The following MROH1 variants were observed in gnomAD, a reference collection of about 807,000 sequenced individuals.
MROH1 encodes maestro heat-like repeat-containing protein family member 1.
Under a neutral mutation model 116.5 loss-of-function variants are expected in MROH1, and 117 were observed. The observed-to-expected ratio is 1.00, with a 90% CI of 0.86 to 1.17. MROH1 has a LOEUF of 1.17. Ranked by LOEUF, MROH1 falls within the 50% of genes most tolerant of loss-of-function variation. The pLI is 0.00. For synonymous variants in MROH1, 921 were observed against 583.9 expected, an observed-to-expected ratio of 1.58 and a Z score of -8.32; for missense variants, 1,873 against 1,338.5, an observed-to-expected ratio of 1.40 and a Z score of -6.23.
At chr8:144,245,296 CTG>C (rs1841698167) in intron 29 of MROH1, 36 bp downstream of exon 29, 1 of 771,634 alleles carries the variant, frequency 1.3e-6, no homozygotes, top group African/African-American at 1.7e-5. Flanking sequence ...GTGCTGCTGC[CTG>C]TGTTACTCAT....
chr8:144,242,454 T>C lies in MROH1; in HGVS notation c.2264T>C (p.Leu755Pro). ...GHVAARAPRE[L>P]VLAKVESDIL... Reference sequence around the variant, plus strand: ...GTGGCGGCCCGGGCCCCCCGGGAGCTGGTGCTGGCCAAGGTAGAGTCAGAC... The same window carrying C: ...GTGGCGGCCCGGGCCCCCCGGGAGCCGGTGCTGGCCAAGGTAGAGTCAGAC... Residue 755 changes from leucine to proline, a missense_variant, in exon 23 of 44, where the codon CTG (leucine) becomes CCG (proline). Transcript: ENST00000326134. The C allele has an allele frequency of 1.3e-6, 1 of 780,704 alleles. No individual in the cohort carries two copies. The highest frequency in any genetic ancestry group is 2.4e-6 in the Non-Finnish European group (1 of 417,832). 48.4% of individuals were successfully genotyped at this position (780,704 alleles called of 1,614,324 possible).
At chr8:144,212,069 G>GTTGTTTTT (rs1554813776) in intron 12 of MROH1, among the ~76,000 whole-genome samples, 5 of 47,780 alleles carry the variant, frequency 1.0e-4, no homozygotes, top group Admixed American at 2.5e-4. Context: ...GAGAAGCTGT[G>GTTGTTTTT]TTGTTTTTTT....
At position 144,220,594 on chromosome 8, in the gene MROH1, T is replaced by C; in HGVS notation, c.1142-6T>C. The C allele has an allele frequency of 6.4e-7, 1 of 1,567,368 alleles. No homozygotes were observed. Among genetic ancestry groups the C allele is most frequent in the Non-Finnish European group, 8.7e-7 (1 of 1,155,914 alleles). On this transcript the variant is annotated splice_region_variant and splice_polypyrimidine_tract_variant and intron_variant, in intron 12 of 43. Transcript: ENST00000326134. The stretch of plus-strand genomic sequence containing the variant: ...TAGGCTGAGCTGTCCTGTTTGTTTC[T>C]TGCAGCTGCTCAGATGGAAGATAAA...
intron 12 of MROH1, chr8:144,213,139 A>G (rs1834533225): frequency 1.3e-6 from 1 of 763,160 alleles, no homozygotes; most frequent in Non-Finnish European, 2.5e-6. Flanking sequence ...CGGCTGTTAC[A>G]TCCCGTGCTC....
intron 14 of MROH1, among the ~76,000 whole-genome samples, chr8:144,233,130 A>T (rs1839265114): frequency 6.6e-6 from 1 of 152,046 alleles, no homozygotes; most frequent in Non-Finnish European, 1.5e-5. Context: ...GCACCTGGCC[A>T]TGATTGCTTT....
Position 144,259,236 on chromosome 8 carries a change from C to T in MROH1, c.3930-4C>T. The T allele has an allele frequency of 1.4e-6, 1 of 713,346 alleles. No homozygotes were observed. The highest frequency in any genetic ancestry group is 2.7e-5 in the East Asian group (1 of 37,280). The allele number at this position is 713,346 out of a possible 1,614,324, so 44.2% of individuals were successfully genotyped here. ...CCTGCACCCTCAGCGGCCCCCTTTCCCAGGGCCATGGCTGAGCACGCAGGG... is the reference window on the plus strand; with the variant it reads ...CCTGCACCCTCAGCGGCCCCCTTTCTCAGGGCCATGGCTGAGCACGCAGGG... On this transcript the variant is annotated splice_polypyrimidine_tract_variant and splice_region_variant and intron_variant, in intron 36 of 43. Coordinates refer to ENST00000326134, the MANE Select transcript of MROH1 (RefSeq NM_032450.3).
chr8:144,199,245 C>CAA (rs747222529), intron 11 of MROH1, 45 bp downstream of exon 11: 1 of 1,573,898 alleles, frequency 6.4e-7, no homozygotes, highest in South Asian at 1.1e-5. Flanking sequence ...TGTGGACACT[C>CAA]ACAGGGTCAC....
chr8:144,187,342 C>A lies in MROH1; in HGVS notation c.563-3442C>A, dbSNP rs374071135. Among the ~76,000 whole-genome samples the A allele has an allele frequency of 5.7e-4, 87 of 151,704 alleles. 1 individual carries two copies. The highest frequency in any genetic ancestry group is 2.0e-3 in the African/African-American group (81 of 41,364). On this transcript the variant is annotated intron_variant, in intron 7 of 43. Transcript: ENST00000326134. ...GGAGGATCACTTGAGCCCAGGAGGTCGAGGCTGCAGTGAGCTAAGTTGGTG... is the reference window on the plus strand; with the variant it reads ...GGAGGATCACTTGAGCCCAGGAGGTAGAGGCTGCAGTGAGCTAAGTTGGTG...
rs2131001028 is a variant in MROH1, at chr8:144,168,422, T to C, written c.150T>C (p.Tyr50=). The C allele has an allele frequency of 1.2e-6, 2 of 1,609,358 alleles. No individual in the cohort carries two copies. Among genetic ancestry groups the C allele is most frequent in the South Asian group, 2.2e-5 (2 of 90,780 alleles). The part of the protein sequence containing the change: ...PVETLRACEE[Y]LRQHDKLAHP... ...AGACGCTCCGTGCCTGCGAGGAGTA[T>C]CTGCGGCAGCATGACAAGGTATGTG... Residue 50 remains tyrosine, a synonymous_variant, in exon 4 of 44, where the codon TAT becomes TAC. Transcript: ENST00000326134.
intron 7 of MROH1, among the ~76,000 whole-genome samples, chr8:144,188,835 C>G (rs1259816961): frequency 3.3e-5 from 5 of 152,062 alleles, no homozygotes; most frequent in Admixed American, 2.0e-4. Flanking sequence ...GGCCATACAC[C>G]TGGGGAGTGG....
chr8:144,238,399 A>T (rs913770673), intron 14 of MROH1, among the ~76,000 whole-genome samples: 14 of 152,096 alleles, frequency 9.2e-5, no homozygotes, highest in African/African-American at 3.4e-4. Flanking sequence ...GTGGCTGCCG[A>T]GGCTGGGTGG....
intron 7 of MROH1, among the ~76,000 whole-genome samples, chr8:144,183,165 C>T (rs1003393192): frequency 5.3e-5 from 8 of 151,972 alleles, no homozygotes; most frequent in African/African-American, 1.9e-4. Flanking sequence ...ATCACTTGAG[C>T]CCAGGAATTC....
intron 13 of MROH1, among the ~76,000 whole-genome samples, chr8:144,221,840 G>A (rs1308962052): frequency 2.0e-5 from 3 of 152,138 alleles, no homozygotes; most frequent in African/African-American, 7.2e-5. Context: ...AAGCCTCCTC[G>A]GGGTGGGGAT....
rs10866904 is a variant in MROH1 at position 144,169,455 on chromosome 8, G to T, written c.168+1015G>T. On this transcript the variant is annotated intron_variant, in intron 4 of 43. Transcript: ENST00000326134. ...TTAATAAATTTATTTATTCATTATT[G>T]TTATTTTTTTTTTTTGAGATGGAGT... Among the ~76,000 whole-genome samples the T allele has an allele frequency of 2.0e-3, 227 of 115,424 alleles. 4 individuals carry two copies. Among genetic ancestry groups the T allele is most frequent in the Non-Finnish European group, 2.0e-3 (115 of 58,842 alleles). The allele number at this position is 115,424 out of a possible 152,430, so 75.7% of individuals were successfully genotyped here. A position where few individuals can be genotyped will look rare whatever the true frequency, so the allele number is the denominator to read the frequency against.
intron 1 of MROH1, among the ~76,000 whole-genome samples, chr8:144,152,042 A>C (rs1160281076): frequency 6.6e-6 from 1 of 152,212 alleles, no homozygotes; most frequent in African/African-American, 2.4e-5. Context: ...GGATGTGCAC[A>C]AGCTCCTTTG....
At chr8:144,190,957 G>T (rs1250446988) in intron 8 of MROH1, 22 bp downstream of exon 8, 2 of 1,599,200 alleles carry the variant, frequency 1.3e-6, no homozygotes, top group Admixed American at 3.4e-5. Context: ...GGCTGCATCA[G>T]TCCACGCCTG....
intron 1 of MROH1, among the ~76,000 whole-genome samples, chr8:144,155,111 C>T (rs1296369029): frequency 4.6e-5 from 7 of 152,070 alleles, no homozygotes; most frequent in South Asian, 2.1e-4. Flanking sequence ...CCACCACGCC[C>T]GGCCTAATTT....
chr8:144,158,783 C>T (rs552358140), intron 1 of MROH1, among the ~76,000 whole-genome samples: 91 of 151,684 alleles, frequency 6.0e-4, no homozygotes, highest in Middle Eastern at 6.8e-3. Flanking sequence ...TCACTCCTGT[C>T]GCTGAGGCTG....
At position 144,223,093 on chromosome 8, in the gene MROH1, T is replaced by G. The variant is rs1837134221; in HGVS notation, c.1216-15T>G. 6.2e-7 allele frequency: 1 copy of G among 1,613,014 alleles called. No homozygotes were observed. The highest frequency in any genetic ancestry group is 1.7e-5 in the Admixed American group (1 of 59,894). ...CTGCGTCCCCTTCCTGATCTCCCAT[T>G]TGTTCTCTGGGCAGGTGAAGCGGGC... On this transcript the variant is annotated splice_polypyrimidine_tract_variant and intron_variant, in intron 13 of 43. Coordinates refer to ENST00000326134, the MANE Select transcript of MROH1 (RefSeq NM_032450.3).
Sources: gnomAD v4.1 joint callset for allele counts (sites outside exome capture counted in the v4.1 genomes callset) on GRCh38, gnomAD v4.1.1 for gene constraint, MANE v1.5 for transcripts, NCBI Gene and HGNC (gene_info 2026-07-23, HGNC 2026-07-21) for gene names.